Variants in SLC26A7 observed in about 807,000 individuals in gnomAD.
The protein encoded by SLC26A7 is solute carrier family 26 member 7, also known as anion exchange transporter.
A neutral mutation model predicts 82.5 loss-of-function variants in SLC26A7; 59 were observed. That is an observed-to-expected ratio of 0.72 (90% confidence interval 0.58 to 0.89). The LOEUF (loss-of-function observed/expected upper bound fraction) is 0.89. Among genes scored for constraint, SLC26A7 ranks in the 40% least tolerant of loss-of-function variants. The probability of loss-of-function intolerance (pLI) is 0.00; values close to 1 mark genes in which losing one functional copy is unlikely to be tolerated. For synonymous variants in SLC26A7, 271 were observed against 274.3 expected (o/e 0.99, Z 0.12); for missense variants, 820 against 793.0 (o/e 1.03, Z -0.41).
At chr8:91,254,277 C>G (rs976766561) in intron 2 of SLC26A7, among the ~76,000 whole-genome samples, 1 of 152,058 alleles carries the variant, frequency 6.6e-6, no homozygotes, top group African/African-American at 2.4e-5. Flanking sequence ...CTTAAGAGAG[C>G]CTCCTTGTTT....
At chr8:91,304,085 A>C (rs1812238562) in intron 4 of SLC26A7, among the ~76,000 whole-genome samples, 1 of 152,234 alleles carries the variant, frequency 6.6e-6, no homozygotes, top group Non-Finnish European at 1.5e-5. Context: ...TTATTAGCCT[A>C]GTATTTGACA....
rs976124800 is a variant in SLC26A7, at chr8:91,396,198, A to G, written c.*1101A>G. ...TTTCATGCTTATACATATATTTTCA[A>G]TCACATACAAGTACATAGAATTTCA... On this transcript the variant is annotated 3_prime_UTR_variant, in exon 19 of 19. Transcript: ENST00000276609. 1.1e-4 allele frequency: 17 copies of G among 152,182 alleles called. No homozygotes were observed. Among genetic ancestry groups the G allele is most frequent in the South Asian group, 2.1e-4 (1 of 4,828 alleles). 9.4% of individuals were successfully genotyped at this position (152,182 alleles called of 1,614,324 possible). A position where few individuals can be genotyped will look rare whatever the true frequency, so the allele number is the denominator to read the frequency against.
intron 4 of SLC26A7, among the ~76,000 whole-genome samples, chr8:91,302,256 T>A (rs1812186642): frequency 6.6e-6 from 1 of 152,064 alleles, no homozygotes; most frequent in South Asian, 2.1e-4. Flanking sequence ...TTTGCCTTTT[T>A]GATTTTTTTT....
At chr8:91,347,405 A>G (rs985774050) in intron 9 of SLC26A7, among the ~76,000 whole-genome samples, 2 of 152,232 alleles carry the variant, frequency 1.3e-5, no homozygotes, top group African/African-American at 4.8e-5. Flanking sequence ...TTTTAATTTT[A>G]TATTTTAATT....
At chr8:91,284,042 T>A (rs1811645815) in intron 2 of SLC26A7, among the ~76,000 whole-genome samples, 1 of 152,200 alleles carries the variant, frequency 6.6e-6, no homozygotes, top group South Asian at 2.1e-4. Context: ...TACTTTAACA[T>A]GATTTTGAGA....
rs764933002 is a variant in SLC26A7 at position 91,295,576 on chromosome 8, G to A, written c.350G>A (p.Arg117Gln). The A allele has an allele frequency of 6.2e-6, 10 of 1,613,794 alleles. No homozygotes were observed. The highest frequency in any genetic ancestry group is 5.3e-5 in the African/African-American group (4 of 74,896). The change falls in exon 4 of 19, where the codon CGG (arginine) becomes CAG (glutamine). Residue 117 changes from arginine (R) to glutamine (Q), a missense_variant. Transcript: ENST00000276609. ...TTAATATCAGCCAACGCCGTGGAAC[G>A]GATTGTCCCTCAGAACATGCAGAAT... The part of the protein sequence containing the change: ...TSLISANAVE[R>Q]IVPQNMQNLT...
chr8:91,308,788 A>G (rs1216370328), intron 4 of SLC26A7, among the ~76,000 whole-genome samples: 2 of 151,980 alleles, frequency 1.3e-5, no homozygotes, highest in Admixed American at 1.3e-4. Flanking sequence ...TACTTTATTT[A>G]TTTTGCTCTT....
At chr8:91,309,422 C>G (rs997081844) in intron 4 of SLC26A7, among the ~76,000 whole-genome samples, 3 of 151,622 alleles carry the variant, frequency 2.0e-5, no homozygotes, top group Non-Finnish European at 4.4e-5. Flanking sequence ...GAAACCTCCC[C>G]CTCCAGCAGT....
chr8:91,340,617 A>G (rs1161357339), intron 8 of SLC26A7, 66 bp downstream of exon 8: 1 of 1,584,444 alleles, frequency 6.3e-7, no homozygotes, highest in African/African-American at 1.3e-5. Flanking sequence ...CCCAGATCCT[A>G]AAAATGATGA....
At position 91,297,359 on chromosome 8, in the gene SLC26A7, T is replaced by C. The variant is rs369979713; in HGVS notation, c.477+1656T>C. 2.0e-5 allele frequency among the ~76,000 whole-genome samples: 3 copies of C among 152,006 alleles called. No homozygotes were observed. In the East Asian group the frequency reaches 5.8e-4, roughly 29 times the overall value. ...TCTGTTATTATCTAGTATATTTGGA[T>C]TATGACTTAAAATGATAACATATAA... is the stretch of plus-strand genomic sequence containing the variant. On this transcript the variant is annotated intron_variant, in intron 4 of 18. Transcript: ENST00000276609.
chr8:91,246,769 A>G (rs2130691350), upstream of SLC26A7, among the ~76,000 whole-genome samples: 1 of 152,096 alleles, frequency 6.6e-6, no homozygotes, highest in Admixed American at 6.6e-5. Flanking sequence ...CTGCTACAAC[A>G]GAGAGTCTCA....
At chr8:91,237,786 T>C (rs751849967) in intron 2 of SLC26A7, among the ~76,000 whole-genome samples, 3 of 152,228 alleles carry the variant, frequency 2.0e-5, no homozygotes, top group Non-Finnish European at 4.4e-5. Context: ...CCCAACATTG[T>C]AATAAAGCTC....
At chr8:91,263,393 A>G (rs958930276) in intron 2 of SLC26A7, among the ~76,000 whole-genome samples, 1 of 152,040 alleles carries the variant, frequency 6.6e-6, no homozygotes, top group African/African-American at 2.4e-5. Context: ...CACTTGCAAC[A>G]TTGTATCATT....
At chr8:91,210,478 G>A (rs571222195) in intron 1 of SLC26A7, among the ~76,000 whole-genome samples, 1 of 151,952 alleles carries the variant, frequency 6.6e-6, no homozygotes, top group East Asian at 1.9e-4. Context: ...GACTTGCAGA[G>A]TAAGAAAATA....
intron 4 of SLC26A7, among the ~76,000 whole-genome samples, chr8:91,306,656 G>T (rs906008412): frequency 1.3e-5 from 2 of 151,850 alleles, no homozygotes; most frequent in African/African-American, 4.8e-5. Flanking sequence ...CACAATTAAT[G>T]AACCAGATTG....
At chr8:91,367,090 C>G (rs1563702657) in intron 14 of SLC26A7, among the ~76,000 whole-genome samples, 2 of 151,870 alleles carry the variant, frequency 1.3e-5, no homozygotes, top group African/African-American at 4.8e-5. Context: ...TCACTGCAAG[C>G]TCCGCCTCCC....
chr8:91,274,288 G>A (rs1811347715), intron 2 of SLC26A7, among the ~76,000 whole-genome samples: 1 of 152,126 alleles, frequency 6.6e-6, no homozygotes, highest in Non-Finnish European at 1.5e-5. Context: ...ATTTGGATTT[G>A]TCTTAGTCTA....
chr8:91,233,592 AAAAAAG>A (rs776680231), intron 2 of SLC26A7, among the ~76,000 whole-genome samples: 1 of 151,966 alleles, frequency 6.6e-6, no homozygotes, highest in Non-Finnish European at 1.5e-5. Context: ...AGAAAAAGAA[AAAAAAG>A]AAAAAGAAAA....
intron 4 of SLC26A7, among the ~76,000 whole-genome samples, chr8:91,298,686 C>A (rs980222690): frequency 2.6e-5 from 4 of 151,972 alleles, no homozygotes; most frequent in African/African-American, 9.7e-5. Context: ...TAAACTGAGT[C>A]TGATGTTTGT....
Sources: allele counts gnomAD v4.1 joint callset (sites outside exome capture counted in the v4.1 genomes callset), GRCh38; gene constraint gnomAD v4.1.1; transcripts MANE v1.5; gene names NCBI Gene and HGNC (gene_info 2026-07-23, HGNC 2026-07-21).